The following NPC1 variants were observed in gnomAD, a reference collection of about 807,000 sequenced individuals.
The protein encoded by NPC1 is Niemann-Pick C1 protein.
In NPC1, 85 loss-of-function variants were observed where a neutral mutation model predicts 140.4. The observed-to-expected ratio is 0.61, with a 90% confidence interval of 0.51 to 0.72. NPC1 has a LOEUF of 0.72. Among genes scored for constraint, NPC1 ranks in the 30% least tolerant of loss-of-function variants. The pLI, the probability that NPC1 is intolerant of heterozygous loss-of-function variation, is 0.00. For missense variants in NPC1, 1,504 were observed against 1,623.8 expected, an observed-to-expected ratio of 0.93 and a Z score of 1.27; for synonymous variants, 656 against 624.8, an observed-to-expected ratio of 1.05 and a Z score of -0.74.
intron 13 of NPC1, 56 bp from the exon 14 acceptor site, chr18:23,543,625 A>G: frequency 1.0e-6 from 1 of 998,940 alleles, no homozygotes; most frequent in African/African-American, 1.6e-5. Flanking sequence ...TAACAACGCC[A>G]TTTCTTGCTG....
At chr18:23,585,980 C>G (rs1210502467) in intron 1 of NPC1, among the ~76,000 whole-genome samples, 1 of 152,200 alleles carries the variant, frequency 6.6e-6, no homozygotes, top group Non-Finnish European at 1.5e-5. Flanking sequence ...AGTAGTGTCC[C>G]TATCCCACTC....
chr18:23,565,097 C>T (rs1031421874), intron 4 of NPC1, among the ~76,000 whole-genome samples: 2 of 152,102 alleles, frequency 1.3e-5, no homozygotes. Flanking sequence ...AAGTGTGAGT[C>T]TTCCTATTTT....
chr18:23,517,131 G>T (rs2058029265), intron 3 of NPC1, among the ~76,000 whole-genome samples: 1 of 151,754 alleles, frequency 6.6e-6, no homozygotes, highest in African/African-American at 2.4e-5. Flanking sequence ...TATATATAGA[G>T]GTATATTTTC....
chr18:23,582,783 C>T (rs1046245957), intron 1 of NPC1, among the ~76,000 whole-genome samples: 4 of 143,160 alleles, frequency 2.8e-5, no homozygotes, highest in African/African-American at 1.0e-4. Context: ...CCAGCCTGGG[C>T]AACCAAAGTA....
At chr18:23,553,790 C>A (rs1447345069) in intron 9 of NPC1, among the ~76,000 whole-genome samples, 1 of 152,152 alleles carries the variant, frequency 6.6e-6, no homozygotes, top group Non-Finnish European at 1.5e-5. Flanking sequence ...GGTGACTATT[C>A]CCAATTATAA....
At chr18:23,525,049 C>T (rs1031030109), downstream of NPC1, among the ~76,000 whole-genome samples, 5 of 143,694 alleles carry the variant, frequency 3.5e-5, no homozygotes, top group Non-Finnish European at 6.0e-5. Flanking sequence ...CGGGTTCAAG[C>T]GATTCTCCTG....
intron 9 of NPC1, 138 bp from the exon 10 acceptor site, chr18:23,551,865 T>C (rs1199370194): frequency 5.5e-6 from 4 of 733,776 alleles, no homozygotes; most frequent in Non-Finnish European, 9.9e-6. Flanking sequence ...CTCAGTTGAG[T>C]AATACAGCTC....
chr18:23,568,795 A>G (rs2059161974), intron 4 of NPC1, 28 bp downstream of exon 4: 2 of 1,588,580 alleles, frequency 1.3e-6, no homozygotes, highest in Non-Finnish European at 1.7e-6. Context: ...GCCAGCTGTA[A>G]AAGAGGAATA....
chr18:23,568,759 G>T, intron 4 of NPC1, 64 bp downstream of exon 4: 1 of 1,327,112 alleles, frequency 7.5e-7, no homozygotes. Flanking sequence ...ACAACTAAAA[G>T]GAACAATTTG....
At position 23,544,965 on chromosome 18, in the gene NPC1, G is replaced by T; in HGVS notation, c.1942C>A (p.Leu648Ile). The change falls in exon 12 of 25, where the codon CTT becomes ATT. Residue 648 changes from leucine to isoleucine, a missense_variant. By Grantham distance (5) the Leu-to-Ile change is conservative. Transcript: ENST00000269228. ...ACCACCCCCCCCCGGCTTACCAGAA[G>T]CCTGCGACAGCTTTTCATGTGCCCC... The part of the protein sequence containing the change: ...ALGHMKSCRR[L>I]LVDSKVSLGI... 2.7e-6 allele frequency: 4 copies of T among 1,462,198 alleles called. No homozygotes were observed. The highest frequency in any genetic ancestry group is 3.8e-6 in the Non-Finnish European group (4 of 1,064,230). 90.6% of individuals were successfully genotyped at this position (1,462,198 alleles called of 1,614,324 possible).
chr18:23,549,193 T>C (rs2058831913), intron 10 of NPC1, among the ~76,000 whole-genome samples: 1 of 152,202 alleles, frequency 6.6e-6, no homozygotes, highest in Non-Finnish European at 1.5e-5. Flanking sequence ...CTATTTTTCA[T>C]TCCTTTTTTT....
downstream of NPC1, among the ~76,000 whole-genome samples, chr18:23,526,005 C>T (rs757553527): frequency 2.9e-4 from 44 of 152,280 alleles, no homozygotes; most frequent in African/African-American, 7.2e-4. Flanking sequence ...CTGTGCATCT[C>T]GCTGGTGTTT....
intron 3 of NPC1, among the ~76,000 whole-genome samples, chr18:23,512,272 C>T (rs551739563): frequency 1.1e-4 from 16 of 152,218 alleles, no homozygotes; most frequent in Non-Finnish European, 1.5e-4. Context: ...CCACCTATCT[C>T]GGCCCCCTAA....
At position 23,548,061 on chromosome 18, in the gene NPC1, T is replaced by C; in HGVS notation, c.1702A>G (p.Asn568Asp). ...ATALVITFPV[N>D]NYYNDTEKLQ... ...TTCTCTGTATCATTATAGTAATTAT[T>C]GACAGGGAAGGTAATCACAAGGGCA... is the stretch of plus-strand genomic sequence containing the variant. Residue 568 changes from asparagine (N) to aspartate (D), a missense_variant, in exon 11 of 25, where the codon AAT becomes GAT. Asn to Asp is a conservative substitution (Grantham distance 23). Coordinates refer to ENST00000269228, the MANE Select transcript of NPC1 (RefSeq NM_000271.5). The C allele has an allele frequency of 6.2e-7, 1 of 1,612,996 alleles. No individual in the cohort carries two copies. Among genetic ancestry groups the C allele is most frequent in the East Asian group, 2.2e-5 (1 of 44,878 alleles).
At chr18:23,573,610 G>C in intron 1 of NPC1, 36 bp from the exon 2 acceptor site, 1 of 1,613,358 alleles carries the variant, frequency 6.2e-7, no homozygotes, top group Non-Finnish European at 8.5e-7. Flanking sequence ...GTGTTACCAG[G>C]GTCTCAATGG....
intron 4 of NPC1, among the ~76,000 whole-genome samples, chr18:23,562,589 C>T (rs888231782): frequency 6.6e-6 from 1 of 152,184 alleles, no homozygotes; most frequent in Non-Finnish European, 1.5e-5. Context: ...GAATTCTCAA[C>T]AGATTATTCC....
At chr18:23,515,994 A>C (rs759885771) in intron 3 of NPC1, 1 of 1,614,028 alleles carries the variant, frequency 6.2e-7, no homozygotes, top group Non-Finnish European at 8.5e-7. Context: ...TTTTCACTTT[A>C]GGGTAAGAGG....
chr18:23,557,057 A>C, intron 7 of NPC1, 60 bp downstream of exon 7: 1 of 1,388,366 alleles, frequency 7.2e-7, no homozygotes, highest in Non-Finnish European at 1.0e-6. Context: ...TGAGGAAACG[A>C]ATGCTCTCAT....
At chr18:23,507,910 T>C in intron 3 of NPC1, 1 of 1,345,224 alleles carries the variant, frequency 7.4e-7, no homozygotes, top group African/African-American at 1.5e-5. Flanking sequence ...TTTCTTGTCT[T>C]GTAGTATGCC....
Sources: gnomAD v4.1 joint callset for allele counts (sites outside exome capture counted in the v4.1 genomes callset) on GRCh38, gnomAD v4.1.1 for gene constraint, MANE v1.5 for transcripts, NCBI Gene and HGNC (gene_info 2026-07-23, HGNC 2026-07-21) for gene names.